PTPRD: variants seen among roughly 807,000 people sequenced by gnomAD.
PTPRD encodes the protein receptor-type tyrosine-protein phosphatase delta.
In PTPRD, 34 loss-of-function variants were observed where a neutral mutation model predicts 214.5. The observed-to-expected ratio is 0.16, with a 90% confidence interval of 0.12 to 0.21. The LOEUF is 0.21. Among genes scored for constraint, PTPRD ranks in the 10% least tolerant of loss-of-function variants. The pLI, the probability that PTPRD is intolerant of heterozygous loss-of-function variation, is 1.00. For synonymous variants in PTPRD, 1,128 were observed against 845.7 expected, an observed-to-expected ratio of 1.33 and a Z score of -5.79; for missense variants, 2,545 against 2,398.7, an observed-to-expected ratio of 1.06 and a Z score of -1.27.
At chr9:9,371,956 GA>G (rs2139822836) in intron 9 of PTPRD, among the ~76,000 whole-genome samples, 1 of 152,274 alleles carries the variant, frequency 6.6e-6, no homozygotes, top group South Asian at 2.1e-4. Context: ...GTTCTAGTTT[GA>G]TTGCACTGTG....
chr9:9,462,604 T>C (rs962954267), intron 8 of PTPRD, among the ~76,000 whole-genome samples: 111 of 152,086 alleles, frequency 7.3e-4, no homozygotes, highest in African/African-American at 2.6e-3. Flanking sequence ...TCCTCCAGGG[T>C]GGCCTGTTCT....
chr9:8,534,675 A>G (rs1465712416), intron 14 of PTPRD, among the ~76,000 whole-genome samples: 2 of 151,858 alleles, frequency 1.3e-5, no homozygotes, highest in South Asian at 2.1e-4. Flanking sequence ...TCATTTTAAT[A>G]TATATAATAC....
rs927314030 is a variant in PTPRD at position 8,483,981 on chromosome 9, C to G, written c.3413+138G>C. ...ACACGTTGTAAAAGAACTCGGATAGCAAAACTGGGAGTCTGAGCAGAAGAA... is the reference window on the plus strand; with the variant it reads ...ACACGTTGTAAAAGAACTCGGATAGGAAAACTGGGAGTCTGAGCAGAAGAA... On this transcript the variant is annotated intron_variant, in intron 30 of 45. Coordinates refer to ENST00000381196, the MANE Select transcript of PTPRD (RefSeq NM_002839.4). 5.4e-5 allele frequency: 61 copies of G among 1,132,264 alleles called. No homozygotes were observed. In the African/African-American group the frequency reaches 8.4e-4, roughly 16 times the overall value. 70.1% of individuals were successfully genotyped at this position (1,132,264 alleles called of 1,614,324 possible). A position where few individuals can be genotyped will look rare whatever the true frequency, so the allele number is the denominator to read the frequency against.
chr9:8,974,929 T>C (rs577638800), intron 11 of PTPRD, among the ~76,000 whole-genome samples: 1 of 151,644 alleles, frequency 6.6e-6, no homozygotes, highest in African/African-American at 2.4e-5. Context: ...AAACCCCGTC[T>C]GTACTAAAAA....
At chr9:9,010,575 T>C (rs2099507122) in intron 11 of PTPRD, among the ~76,000 whole-genome samples, 1 of 152,226 alleles carries the variant, frequency 6.6e-6, no homozygotes, top group Non-Finnish European at 1.5e-5. Flanking sequence ...TTTTCACATG[T>C]TGCTTTTCTG....
At chr9:9,990,731 T>C (rs113101108) in intron 4 of PTPRD, among the ~76,000 whole-genome samples, 11 of 152,332 alleles carry the variant, frequency 7.2e-5, no homozygotes, top group African/African-American at 2.2e-4. Flanking sequence ...TCTGGCAAAA[T>C]GGCATTTGCT....
chr9:10,571,787 A>T (rs917862841), intron 2 of PTPRD, among the ~76,000 whole-genome samples: 1 of 152,180 alleles, frequency 6.6e-6, no homozygotes, highest in Non-Finnish European at 1.5e-5. Context: ...TCTCATAAGG[A>T]ACAGGCGACC....
intron 3 of PTPRD, among the ~76,000 whole-genome samples, chr9:10,334,911 C>T (rs2096819084): frequency 1.3e-5 from 2 of 151,584 alleles, no homozygotes; most frequent in Non-Finnish European, 2.9e-5. Flanking sequence ...ATACATGATA[C>T]ACACTATGAA....
At chr9:10,409,925 A>C (rs972312588) in intron 2 of PTPRD, among the ~76,000 whole-genome samples, 1 of 151,698 alleles carries the variant, frequency 6.6e-6, no homozygotes, top group African/African-American at 2.4e-5. Flanking sequence ...CCTGACTGAC[A>C]TCTTGACTAC....
intron 11 of PTPRD, among the ~76,000 whole-genome samples, chr9:8,831,619 C>T (rs1434259): frequency 0.71 from 107,276 of 152,030 alleles, 38,315 homozygotes; most frequent in African/African-American, 0.81. Context: ...GTATAATAAA[C>T]CCTTTAAAAT....
intron 11 of PTPRD, among the ~76,000 whole-genome samples, chr9:8,758,957 T>C (rs760783373): frequency 6.6e-6 from 1 of 151,958 alleles, no homozygotes; most frequent in African/African-American, 2.4e-5. Context: ...AGTGCTGGGA[T>C]TGCAGGCGTG....
chr9:8,979,864 T>C (rs1438700404), intron 11 of PTPRD, among the ~76,000 whole-genome samples: 1 of 152,036 alleles, frequency 6.6e-6, no homozygotes, highest in Admixed American at 6.6e-5. Context: ...CTTTTGGACA[T>C]ATACCCAAAG....
chr9:9,580,010 A>G (rs1331276565), intron 7 of PTPRD, among the ~76,000 whole-genome samples: 1 of 152,104 alleles, frequency 6.6e-6, no homozygotes, highest in African/African-American at 2.4e-5. Flanking sequence ...AGTTCCATCC[A>G]TATTGCTGCA....
At chr9:8,456,776 G>A (rs1005841906) in intron 33 of PTPRD, among the ~76,000 whole-genome samples, 23 of 151,456 alleles carry the variant, frequency 1.5e-4, no homozygotes, top group Non-Finnish European at 2.8e-4. Flanking sequence ...TGTGCATGCA[G>A]GCTAGATTAT....
At chr9:8,493,047 C>G in intron 26 of PTPRD, 68 bp from the exon 27 acceptor site, 1 of 1,331,848 alleles carries the variant, frequency 7.5e-7, no homozygotes, top group Non-Finnish European at 1.1e-6. Flanking sequence ...AAAAACAAGG[C>G]CGTCTGCCTT....
rs76736450 is a variant in PTPRD, at chr9:10,322,777, T to A, written c.-545+18186A>T. 5.0e-3 allele frequency among the ~76,000 whole-genome samples: 760 copies of A among 152,090 alleles called. 6 individuals are homozygous for A. The highest frequency in any genetic ancestry group is 0.017 in the African/African-American group (708 of 41,510). ...AGAGACAGCAAGAAATAGTACATTT[T>A]AAAGGACTAAAATAAACACATTTGG... On this transcript the variant is annotated intron_variant, in intron 3 of 45. Coordinates refer to ENST00000381196, the MANE Select transcript of PTPRD (RefSeq NM_002839.4).
intron 7 of PTPRD, among the ~76,000 whole-genome samples, chr9:9,597,398 C>T (rs1035207476): frequency 1.3e-5 from 2 of 151,900 alleles, no homozygotes; most frequent in African/African-American, 4.8e-5. Flanking sequence ...GGCTTAAATT[C>T]CATCGAGGAA....
At chr9:10,360,296 A>C (rs1408826055) in intron 2 of PTPRD, among the ~76,000 whole-genome samples, 1 of 152,266 alleles carries the variant, frequency 6.6e-6, no homozygotes. Flanking sequence ...GACTTTAATA[A>C]AAATTTAGAA....
chr9:8,726,042 C>CAT lies in PTPRD; in HGVS notation c.64+7737_64+7738insAT, dbSNP rs763665454. Among the ~76,000 whole-genome samples, 481 of 149,334 alleles carry CAT rather than the reference C, an allele frequency of 3.2e-3. 7 individuals carry two copies. The East Asian group carries it at 0.035, about 11-fold the overall frequency. On this transcript the variant is annotated intron_variant, in intron 12 of 45. Coordinates refer to ENST00000381196, the MANE Select transcript of PTPRD (RefSeq NM_002839.4). ...AGACAGACAGACACACACACACACA[C>CAT]ACACACACACACACACACACACAGT...
Sources: allele counts gnomAD v4.1 joint callset (sites outside exome capture counted in the v4.1 genomes callset), GRCh38; gene constraint gnomAD v4.1.1; transcripts MANE v1.5; gene names NCBI Gene and HGNC (gene_info 2026-07-23, HGNC 2026-07-21).